Variants in BMPR2 observed in about 807,000 individuals in gnomAD.
BMPR2 encodes bone morphogenetic protein receptor type 2, also known as bone morphogenetic protein receptor type-2.
BMPR2 carries 29 observed loss-of-function variants against 100.8 expected under a neutral mutation model. The observed-to-expected ratio is 0.29, with a 90% confidence interval of 0.21 to 0.39. The LOEUF is 0.39. Among genes scored for constraint, BMPR2 ranks in the 10% least tolerant of loss-of-function variants. The probability of loss-of-function intolerance (pLI) is 1.00; values close to 1 mark genes in which losing one functional copy is unlikely to be tolerated. For missense variants in BMPR2, 1,011 were observed against 1,274.5 expected (o/e 0.79, Z 3.15); for synonymous variants, 382 against 442.3 (o/e 0.86, Z 1.71).
At chr2:202,542,468 TAAAG>T (rs1354002227) in intron 10 of BMPR2, 21 bp downstream of exon 10, 1 of 1,612,466 alleles carries the variant, frequency 6.2e-7, no homozygotes, top group East Asian at 2.2e-5. Context: ...ACTAAGTTAT[TAAAG>T]AGAGGACTTA....
chr2:202,567,096 A>G lies in BMPR2; in HGVS notation c.*7150A>G, dbSNP rs1483098407. On this transcript the variant is annotated 3_prime_UTR_variant, in exon 13 of 13. Transcript: ENST00000374580. The stretch of plus-strand genomic sequence containing the variant: ...ATTTCCATAGAGATTATATTGTATC[A>G]GTGTTTATGTAAGCTGGAATCATCC... 1.3e-5 allele frequency: 2 copies of G among 152,236 alleles called. No individual in the cohort carries two copies. Among genetic ancestry groups the G allele is most frequent in the Admixed American group, 6.5e-5 (1 of 15,282 alleles). The allele number at this position is 152,236 out of a possible 1,614,324, so 9.4% of individuals were successfully genotyped here. A position where few individuals can be genotyped will look rare whatever the true frequency, so the allele number is the denominator to read the frequency against.
intron 1 of BMPR2, among the ~76,000 whole-genome samples, chr2:202,463,544 A>G (rs1265572298): frequency 6.6e-6 from 1 of 152,230 alleles, no homozygotes; most frequent in Non-Finnish European, 1.5e-5. Flanking sequence ...GAAACAAGTC[A>G]GAAGCCCCCA....
At chr2:202,526,967 G>T (rs1171147353) in intron 7 of BMPR2, among the ~76,000 whole-genome samples, 1 of 151,976 alleles carries the variant, frequency 6.6e-6, no homozygotes, top group Non-Finnish European at 1.5e-5. Context: ...GGATTCAAGC[G>T]ATTCTCCTGC....
chr2:202,491,168 C>T (rs563067282), intron 3 of BMPR2, among the ~76,000 whole-genome samples: 2 of 152,228 alleles, frequency 1.3e-5, no homozygotes, highest in African/African-American at 4.8e-5. Flanking sequence ...GCAGTCCTCC[C>T]ACCTCAGCCT....
rs1040196583 is a variant in BMPR2, at chr2:202,503,412, G to C, written c.419-10307G>C. On this transcript the variant is annotated intron_variant, in intron 3 of 12. Transcript: ENST00000374580. The surrounding 1 kb of genome is among the most constrained non-coding windows in gnomAD (Gnocchi z 4.0). Reference sequence around the variant, plus strand: ...AGGCGCAAGCAGGAACCGGGGCGGCGTGCCGCGCTTGCGGGCCAGCCGGAG... The same window carrying C: ...AGGCGCAAGCAGGAACCGGGGCGGCCTGCCGCGCTTGCGGGCCAGCCGGAG... Among the ~76,000 whole-genome samples, 69 of 152,364 alleles carry C rather than the reference G, an allele frequency of 4.5e-4. No homozygotes were observed. The highest frequency in any genetic ancestry group is 1.6e-3 in the African/African-American group (68 of 41,588).
intron 1 of BMPR2, among the ~76,000 whole-genome samples, chr2:202,395,729 A>C (rs1339771377): frequency 6.6e-6 from 1 of 152,162 alleles, no homozygotes; most frequent in East Asian, 1.9e-4. Context: ...TGAGGTTGGG[A>C]GTTCGAGACC....
intron 1 of BMPR2, among the ~76,000 whole-genome samples, chr2:202,391,201 C>T (rs1690541796): frequency 6.6e-6 from 1 of 151,902 alleles, no homozygotes; most frequent in Admixed American, 6.6e-5. Flanking sequence ...GTCTCGAACT[C>T]CTGACCTCAG....
intron 3 of BMPR2, among the ~76,000 whole-genome samples, chr2:202,510,340 C>T (rs1056639407): frequency 6.6e-6 from 1 of 152,116 alleles, no homozygotes; most frequent in Non-Finnish European, 1.5e-5. Context: ...TCACTTGAAC[C>T]CAGGTGGCGG....
chr2:202,410,737 G>A (rs1179515042), intron 1 of BMPR2, among the ~76,000 whole-genome samples: 17 of 152,030 alleles, frequency 1.1e-4, no homozygotes, highest in East Asian at 7.7e-4. Flanking sequence ...CCGCTGCCAC[G>A]CCCGGCTAAT....
At position 202,562,972 on chromosome 2, in the gene BMPR2, G is replaced by A. The variant is rs987688674; in HGVS notation, c.*3026G>A. The stretch of plus-strand genomic sequence containing the variant: ...TTGTAATTAATATTCCCATTTTACA[G>A]ATGAGGAAACTGAAGCTAAGAGAAG... On this transcript the variant is annotated 3_prime_UTR_variant, in exon 13 of 13. Coordinates refer to ENST00000374580, the MANE Select transcript of BMPR2 (RefSeq NM_001204.7). 2.0e-5 allele frequency: 3 copies of A among 152,104 alleles called. No homozygotes were observed. Among genetic ancestry groups the A allele is most frequent in the Non-Finnish European group, 2.9e-5 (2 of 68,040 alleles). The allele number at this position is 152,104 out of a possible 1,614,324, so 9.4% of individuals were successfully genotyped here. A position where few individuals can be genotyped will look rare whatever the true frequency, so the allele number is the denominator to read the frequency against.
chr2:202,549,407 G>A (rs1292665461), intron 10 of BMPR2, among the ~76,000 whole-genome samples: 1 of 152,090 alleles, frequency 6.6e-6, no homozygotes, highest in African/African-American at 2.4e-5. Flanking sequence ...GAATATTCAT[G>A]TACAAGTCTT....
intron 1 of BMPR2, among the ~76,000 whole-genome samples, chr2:202,411,128 A>G (rs1468869716): frequency 6.6e-6 from 1 of 152,166 alleles, no homozygotes; most frequent in Non-Finnish European, 1.5e-5. Flanking sequence ...CACGGTATTT[A>G]AATAGGCTCT....
At chr2:202,397,611 G>A (rs1256741305) in intron 1 of BMPR2, among the ~76,000 whole-genome samples, 1 of 150,896 alleles carries the variant, frequency 6.6e-6, no homozygotes, top group Non-Finnish European at 1.5e-5. Context: ...CAATTCTGCT[G>A]CCTTAGCCTT....
intron 7 of BMPR2, among the ~76,000 whole-genome samples, chr2:202,522,283 G>A (rs955987490): frequency 2.6e-5 from 4 of 152,058 alleles, no homozygotes; most frequent in Admixed American, 6.5e-5. Flanking sequence ...CGAGGTGGGC[G>A]GATCACAAGG....
At position 202,560,038 on chromosome 2, in the gene BMPR2, C is replaced by T. The variant is rs1159789769; in HGVS notation, c.*92C>T. ...AATAAAAAAAAAACTGCTTTATCCT[C>T]CTGTCAGCACCCCCTCCCACCCCTG... On this transcript the variant is annotated 3_prime_UTR_variant, in exon 13 of 13. Transcript: ENST00000374580. 1 of 1,495,418 alleles carries T rather than the reference C, an allele frequency of 6.7e-7. No homozygotes were observed. The highest frequency in any genetic ancestry group is 9.1e-7 in the Non-Finnish European group (1 of 1,094,554). 92.6% of individuals were successfully genotyped at this position (1,495,418 alleles called of 1,614,324 possible).
At chr2:202,550,947 CTTTTTTTTTTTT>C (rs34364158) in intron 10 of BMPR2, among the ~76,000 whole-genome samples, 2 of 68,310 alleles carry the variant, frequency 2.9e-5, no homozygotes, top group South Asian at 5.5e-4. Flanking sequence ...AGCATATCAG[CTTTTTTTTTTTT>C]TTTTTTTTTT....
Position 202,464,798 on chromosome 2 carries a change from C to G in BMPR2, c.77-11C>G, listed in dbSNP as rs1692285953. 1 of 1,604,484 alleles carries G rather than the reference C, an allele frequency of 6.2e-7. No homozygotes were observed. Among genetic ancestry groups the G allele is most frequent in the Non-Finnish European group, 8.5e-7 (1 of 1,176,122 alleles). On this transcript the variant is annotated splice_polypyrimidine_tract_variant and intron_variant, in intron 1 of 12. Coordinates refer to ENST00000374580, the MANE Select transcript of BMPR2 (RefSeq NM_001204.7). Reference sequence around the variant, plus strand: ...AAATAATTTGTCATTCCTTTATTTCCTTTATTTTAGCTTCGCAGAATCAAG... The same window carrying G: ...AAATAATTTGTCATTCCTTTATTTCGTTTATTTTAGCTTCGCAGAATCAAG...
In BMPR2 at chr2:202,503,421, T is replaced by C. The variant is rs1173413305; in HGVS notation, c.419-10298T>C. 3.3e-5 allele frequency among the ~76,000 whole-genome samples: 5 copies of C among 152,248 alleles called. No individual in the cohort carries two copies. The highest frequency in any genetic ancestry group is 7.3e-5 in the Non-Finnish European group (5 of 68,030). On this transcript the variant is annotated intron_variant, in intron 3 of 12. Transcript: ENST00000374580. This position sits in a 1 kb window ranked among gnomAD's most constrained non-coding sequence, Gnocchi z 4.0. ...CAGGAACCGGGGCGGCGTGCCGCGC[T>C]TGCGGGCCAGCCGGAGTTCCGGTTG...
intron 1 of BMPR2, among the ~76,000 whole-genome samples, chr2:202,408,788 C>A (rs1461472154): frequency 6.6e-6 from 1 of 152,156 alleles, no homozygotes; most frequent in African/African-American, 2.4e-5. Flanking sequence ...ATTTCGCATT[C>A]CACTTGAACT....
Sources: gnomAD v4.1 joint callset for allele counts (sites outside exome capture counted in the v4.1 genomes callset) on GRCh38, gnomAD v4.1.1 for gene constraint, Gnocchi (gnomAD v3.1) non-coding constraint, MANE v1.5 for transcripts, NCBI Gene and HGNC (gene_info 2026-07-23, HGNC 2026-07-21) for gene names.